Variants in CHSY3 observed in about 807,000 individuals in gnomAD.
The protein encoded by CHSY3 is chondroitin sulfate synthase 3.
Under a neutral mutation model 67.2 loss-of-function variants are expected in CHSY3, and 35 were observed. That is an observed-to-expected ratio of 0.52 (90% CI 0.40 to 0.69). The LOEUF (loss-of-function observed/expected upper bound fraction) is 0.69, where lower values mean the gene tolerates loss of function less well. CHSY3 is among the 30% of genes least tolerant of loss of function. The probability of loss-of-function intolerance (pLI) is 0.00; values close to 1 mark genes in which losing one functional copy is unlikely to be tolerated. For synonymous variants in CHSY3, 474 were observed against 434.7 expected (o/e 1.09, Z -1.12); for missense variants, 1,069 against 1,138.5 (o/e 0.94, Z 0.88).
intron 2 of CHSY3, among the ~76,000 whole-genome samples, chr5:130,182,767 C>G (rs1770287992): frequency 6.6e-6 from 1 of 151,962 alleles, no homozygotes; most frequent in African/African-American, 2.4e-5. Flanking sequence ...ACTGTAAGCT[C>G]TATTTTATAT....
chr5:129,970,669 T>C (rs1390253378), intron 2 of CHSY3, among the ~76,000 whole-genome samples: 1 of 151,910 alleles, frequency 6.6e-6, no homozygotes, highest in Admixed American at 6.6e-5. Context: ...TTGTGTTTAA[T>C]TTGATATTGT....
intron 2 of CHSY3, among the ~76,000 whole-genome samples, chr5:130,137,451 T>C (rs1768701584): frequency 6.6e-6 from 1 of 152,184 alleles, no homozygotes; most frequent in African/African-American, 2.4e-5. Flanking sequence ...CCTGATCCTT[T>C]TTCCCTGAAG....
chr5:129,960,119 G>A (rs184908459), intron 2 of CHSY3, among the ~76,000 whole-genome samples: 5 of 152,076 alleles, frequency 3.3e-5, no homozygotes, highest in Admixed American at 1.3e-4. Flanking sequence ...TTCCATTCCC[G>A]GCACACTTAG....
chr5:130,031,316 T>C (rs1764698359), intron 2 of CHSY3, among the ~76,000 whole-genome samples: 1 of 152,122 alleles, frequency 6.6e-6, no homozygotes, highest in Non-Finnish European at 1.5e-5. Flanking sequence ...GATATACTTA[T>C]TTATTTGCTG....
chr5:130,113,894 T>A (rs1580745256), intron 2 of CHSY3, among the ~76,000 whole-genome samples: 1 of 152,196 alleles, frequency 6.6e-6, no homozygotes, highest in East Asian at 1.9e-4. Flanking sequence ...AAGAATTAGA[T>A]AAATAATTCC....
At chr5:130,055,647 A>T (rs1765506741) in intron 2 of CHSY3, among the ~76,000 whole-genome samples, 1 of 152,066 alleles carries the variant, frequency 6.6e-6, no homozygotes, top group South Asian at 2.1e-4. Context: ...TAGTATATAT[A>T]TGTCCTCTAT....
chr5:130,069,496 T>G (rs1252730132), intron 2 of CHSY3, among the ~76,000 whole-genome samples: 1 of 151,920 alleles, frequency 6.6e-6, no homozygotes, highest in Non-Finnish European at 1.5e-5. Flanking sequence ...TTTTAAAATA[T>G]ATATATTTTT....
chr5:130,157,155 T>G (rs1769395307), intron 2 of CHSY3, among the ~76,000 whole-genome samples: 2 of 152,182 alleles, frequency 1.3e-5, no homozygotes, highest in Admixed American at 1.3e-4. Flanking sequence ...CTCAGGTAAA[T>G]TTACAGACAG....
At chr5:130,128,255 C>CGT (rs1347712512) in intron 2 of CHSY3, among the ~76,000 whole-genome samples, 1 of 102,872 alleles carries the variant, frequency 9.7e-6, no homozygotes, top group East Asian at 3.6e-4. Flanking sequence ...TGTGTGTGTG[C>CGT]GCTCACATGC....
intron 2 of CHSY3, among the ~76,000 whole-genome samples, chr5:130,125,148 T>C (rs1768224140): frequency 6.6e-6 from 1 of 152,172 alleles, no homozygotes; most frequent in South Asian, 2.1e-4. Flanking sequence ...CAAGGTGGGC[T>C]TAGAGAATGT....
At chr5:129,953,132 C>T (rs902968690) in intron 2 of CHSY3, among the ~76,000 whole-genome samples, 27 of 152,162 alleles carry the variant, frequency 1.8e-4, no homozygotes, top group African/African-American at 6.3e-4. Context: ...CCTCCCCTAT[C>T]CCCCTACCCC....
chr5:130,090,754 G>A (rs1028042647), intron 2 of CHSY3, among the ~76,000 whole-genome samples: 12 of 152,058 alleles, frequency 7.9e-5, no homozygotes, highest in Admixed American at 5.2e-4. Flanking sequence ...AGACTGTCTT[G>A]CCCATTCAGT....
At chr5:130,177,929 T>G (rs927849796) in intron 2 of CHSY3, among the ~76,000 whole-genome samples, 1 of 151,964 alleles carries the variant, frequency 6.6e-6, no homozygotes, top group African/African-American at 2.4e-5. Flanking sequence ...CTTAAACTTT[T>G]CCCACAAATT....
At chr5:130,109,692 AT>A (rs896614444) in intron 2 of CHSY3, among the ~76,000 whole-genome samples, 1,709 of 149,692 alleles carry the variant, frequency 0.011, 37 homozygotes, top group African/African-American at 0.017. Flanking sequence ...GAGGAGAGTA[AT>A]TTTTTTTTTA....
intron 2 of CHSY3, among the ~76,000 whole-genome samples, chr5:129,953,452 G>A (rs150885203): frequency 0.015 from 2,282 of 152,244 alleles, 48 homozygotes; most frequent in African/African-American, 0.051. Context: ...GTGTGCATGT[G>A]TCTTTATAGT....
chr5:129,934,003 C>T (rs1338234181), intron 2 of CHSY3, among the ~76,000 whole-genome samples: 1 of 151,828 alleles, frequency 6.6e-6, no homozygotes, highest in Admixed American at 6.6e-5. Flanking sequence ...TATCCTTTGA[C>T]CTAACAATGC....
rs114739689 is a variant in CHSY3, at chr5:129,937,456, C to T, written c.1086+29096C>T. On this transcript the variant is annotated intron_variant, in intron 2 of 2. Coordinates refer to ENST00000305031, the MANE Select transcript of CHSY3 (RefSeq NM_175856.5). ...TCAACATGAGATATGGGTAGAGACACAGAGCCAAACCATATTATTCTGTCC... is the reference window on the plus strand; with the variant it reads ...TCAACATGAGATATGGGTAGAGACATAGAGCCAAACCATATTATTCTGTCC... Among the ~76,000 whole-genome samples, 915 of 152,236 alleles carry T rather than the reference C, an allele frequency of 6.0e-3. 6 individuals are homozygous for T. The highest frequency in any genetic ancestry group is 0.021 in the African/African-American group (881 of 41,532).
chr5:130,153,028 C>T (rs1205661085), intron 2 of CHSY3, among the ~76,000 whole-genome samples: 4 of 152,070 alleles, frequency 2.6e-5, no homozygotes, highest in East Asian at 3.9e-4. Flanking sequence ...ATCAGGAGTT[C>T]GAGACCAGCC....
upstream of CHSY3, chr5:129,904,328 G>T (rs956116571): frequency 1.2e-4 from 19 of 153,712 alleles, no homozygotes; most frequent in Admixed American, 7.2e-4. Flanking sequence ...CGCGGCCCGC[G>T]CTTCTCTCCG....
Sources: gnomAD v4.1 joint callset for allele counts (sites outside exome capture counted in the v4.1 genomes callset) on GRCh38, gnomAD v4.1.1 for gene constraint, MANE v1.5 for transcripts, NCBI Gene and HGNC (gene_info 2026-07-23, HGNC 2026-07-21) for gene names.